ZNF618: variants seen among roughly 807,000 people sequenced by gnomAD.
The protein encoded by ZNF618 is zinc finger protein 618.
ZNF618 carries 34 observed loss-of-function variants against 103.0 expected under a neutral mutation model. That is an observed-to-expected ratio of 0.33 (90% CI 0.25 to 0.44). The LOEUF (loss-of-function observed/expected upper bound fraction) is 0.44, where lower values mean the gene tolerates loss of function less well. Ranked by LOEUF, ZNF618 falls within the 20% of genes least tolerant of loss-of-function variation. The probability of loss-of-function intolerance (pLI) is 1.00; values close to 1 mark genes in which losing one functional copy is unlikely to be tolerated. For synonymous variants in ZNF618, 551 were observed against 542.2 expected, an observed-to-expected ratio of 1.02 and a Z score of -0.23; for missense variants, 1,059 against 1,295.4, an observed-to-expected ratio of 0.82 and a Z score of 2.80.
chr9:113,948,493 G>A (rs777994375), intron 1 of ZNF618, among the ~76,000 whole-genome samples: 6 of 152,238 alleles, frequency 3.9e-5, no homozygotes, highest in Non-Finnish European at 8.8e-5. Flanking sequence ...TTGCATCAGA[G>A]GAAGCCTGTA....
At chr9:113,955,191 C>A (rs1836162350) in intron 1 of ZNF618, among the ~76,000 whole-genome samples, 1 of 149,724 alleles carries the variant, frequency 6.7e-6, no homozygotes, top group Non-Finnish European at 1.5e-5. Context: ...AGGCTATTCC[C>A]AAATCAGACC....
intron 2 of ZNF618, among the ~76,000 whole-genome samples, chr9:113,972,837 C>T (rs573747678): frequency 1.5e-4 from 23 of 152,236 alleles, no homozygotes; most frequent in African/African-American, 2.6e-4. Context: ...GAGGCCGAGG[C>T]GGGCGGATCA....
At chr9:113,881,238 G>A (rs1166124674) in intron 1 of ZNF618, among the ~76,000 whole-genome samples, 3 of 152,084 alleles carry the variant, frequency 2.0e-5, no homozygotes, top group Non-Finnish European at 4.4e-5. Flanking sequence ...AATTTAATCA[G>A]ACAAAAACAC....
intron 2 of ZNF618, among the ~76,000 whole-genome samples, chr9:113,984,177 C>T (rs1366191839): frequency 2.6e-5 from 4 of 152,120 alleles, no homozygotes; most frequent in Non-Finnish European, 4.4e-5. Flanking sequence ...ACTGGAATTT[C>T]GGGAAGGGGA....
Position 114,040,577 on chromosome 9 carries a change from G to A in ZNF618, c.1246+4200G>A, listed in dbSNP as rs373899721. Among the ~76,000 whole-genome samples, 32 of 152,036 alleles carry A rather than the reference G, an allele frequency of 2.1e-4. 1 individual carries two copies. The East Asian group carries it at 2.3e-3, about 11-fold the overall frequency. ...TTCCCACCTATGAGTGAGAACATGC[G>A]GTGTTTGGTTTTTTGTCTTTGTGAT... On this transcript the variant is annotated intron_variant, in intron 13 of 14. Transcript: ENST00000374126.
At chr9:113,951,440 T>TGTGTATATATGTAC (rs1835636994) in intron 1 of ZNF618, among the ~76,000 whole-genome samples, 1 of 29,464 alleles carries the variant, frequency 3.4e-5, no homozygotes, top group African/African-American at 9.0e-5. Context: ...TGTATATATA[T>TGTGTATATATGTAC]ACATATATGT....
chr9:113,988,528 G>A lies in ZNF618; in HGVS notation c.285G>A (p.Val95=). The A allele has an allele frequency of 6.2e-7, 1 of 1,612,364 alleles. No individual in the cohort carries two copies. The highest frequency in any genetic ancestry group is 8.5e-7 in the Non-Finnish European group (1 of 1,179,744). ...KAVSKDGTSD[V]PAEICVVIGG... is the part of the protein sequence containing the mutation. ...TCAGCAAGGATGGGACCAGCGACGT[G>A]CCTGCCGAGATCTGCGTGGTGATCG... Residue 95 remains valine (V), a synonymous_variant, in exon 3 of 15, where the codon GTG becomes GTA. Coordinates refer to ENST00000374126, the MANE Select transcript of ZNF618 (RefSeq NM_001318042.2).
intron 1 of ZNF618, among the ~76,000 whole-genome samples, chr9:113,939,463 A>G (rs1834351133): frequency 6.6e-6 from 1 of 152,122 alleles, no homozygotes; most frequent in South Asian, 2.1e-4. Flanking sequence ...TCTCTTTTAA[A>G]TTATCTTTCC....
At chr9:113,960,058 G>C (rs1234018661) in intron 1 of ZNF618, among the ~76,000 whole-genome samples, 1 of 152,218 alleles carries the variant, frequency 6.6e-6, no homozygotes, top group African/African-American at 2.4e-5. Flanking sequence ...CTCAACAGCT[G>C]CTGCAGTTTA....
chr9:113,988,467 T>C lies in ZNF618; in HGVS notation c.224T>C (p.Ile75Thr). The change falls in exon 3 of 15, where the codon ATC becomes ACC. Residue 75 changes from isoleucine (I) to threonine (T), a missense_variant. Transcript: ENST00000374126. ...CCCGATGACTACATCCAGGAGGTGA[T>C]CTGGCAGGGCGAGGCCAAGGAGGAG... is the stretch of plus-strand genomic sequence containing the variant. ...ELPDDYIQEV[I>T]WQGEAKEEKK... is the part of the protein sequence containing the mutation. 1 of 1,613,556 alleles carries C rather than the reference T, an allele frequency of 6.2e-7. No individual in the cohort carries two copies. The highest frequency in any genetic ancestry group is 8.5e-7 in the Non-Finnish European group (1 of 1,179,878).
At chr9:114,022,323 T>G (rs1401853167) in intron 10 of ZNF618, among the ~76,000 whole-genome samples, 1 of 151,994 alleles carries the variant, frequency 6.6e-6, no homozygotes, top group Non-Finnish European at 1.5e-5. Context: ...TTCTGAAGAG[T>G]TTATATAGAA....
chr9:114,034,430 A>ACTG (rs757107928), intron 12 of ZNF618, among the ~76,000 whole-genome samples: 9 of 151,966 alleles, frequency 5.9e-5, no homozygotes, highest in African/African-American at 1.7e-4. Context: ...TAGCGCAAGC[A>ACTG]CTGCTGCTGC....
chr9:114,007,237 C>A, intron 6 of ZNF618, 113 bp from the exon 7 acceptor site: 1 of 835,518 alleles, frequency 1.2e-6, no homozygotes. Context: ...CCTCCCTCCG[C>A]TAGCCAGACT....
chr9:114,048,878 C>G lies in ZNF618; in HGVS notation c.1576C>G (p.Leu526Val). 1 of 1,608,344 alleles carries G rather than the reference C, an allele frequency of 6.2e-7. No homozygotes were observed. Among genetic ancestry groups the G allele is most frequent in the Non-Finnish European group, 8.5e-7 (1 of 1,177,214 alleles). Residue 526 changes from leucine (L) to valine (V), a missense_variant, in exon 15 of 15, where the codon CTG (leucine) becomes GTG (valine). Leu to Val is a conservative substitution (Grantham distance 32). This residue lies in a region of ZNF618 where 272 missense variants were observed against 380.1 expected (regional missense o/e 0.72). Coordinates refer to ENST00000374126, the MANE Select transcript of ZNF618 (RefSeq NM_001318042.2). Reference sequence around the variant, plus strand: ...CTTCAACACGCTGGCGCTGAAGCACCTGCCACGCATGTACAACCAGGTGAA... The same window carrying G: ...CTTCAACACGCTGGCGCTGAAGCACGTGCCACGCATGTACAACCAGGTGAA... ...GNFNTLALKHLPRMYNQVKVK... is the reference protein window; with the variant it reads ...GNFNTLALKHVPRMYNQVKVK...
rs142573070 is a variant in ZNF618 at position 113,930,927 on chromosome 9, A to G, written c.34-38190A>G. Among the ~76,000 whole-genome samples, 43 of 152,336 alleles carry G rather than the reference A, an allele frequency of 2.8e-4. 1 individual carries two copies. In the East Asian group the frequency reaches 7.9e-3, roughly 28 times the overall value. ...GGGGCAGCAAAGGAAGTAAAGGCCA[A>G]TAAGCACCTGACAATATTTTTACAT... On this transcript the variant is annotated intron_variant, in intron 1 of 14. Transcript: ENST00000374126.
intron 2 of ZNF618, among the ~76,000 whole-genome samples, chr9:113,976,240 A>G (rs1838456943): frequency 6.6e-6 from 1 of 152,180 alleles, no homozygotes; most frequent in Non-Finnish European, 1.5e-5. Flanking sequence ...GTCTCTAGGG[A>G]ACTCAGTCCT....
chr9:113,961,706 A>C (rs1836855642), intron 1 of ZNF618, among the ~76,000 whole-genome samples: 1 of 152,236 alleles, frequency 6.6e-6, no homozygotes, highest in Admixed American at 6.5e-5. Flanking sequence ...TAGAGAATTT[A>C]TCATATATTT....
intron 4 of ZNF618, among the ~76,000 whole-genome samples, chr9:113,998,763 C>CCAGGA (rs1406880578): frequency 4.6e-5 from 7 of 152,236 alleles, no homozygotes; most frequent in African/African-American, 1.4e-4. Flanking sequence ...AGTGGCCTCC[C>CCAGGA]CAGGACAGGC....
At chr9:113,916,465 T>A (rs1398622454) in intron 1 of ZNF618, among the ~76,000 whole-genome samples, 1 of 152,132 alleles carries the variant, frequency 6.6e-6, no homozygotes, top group South Asian at 2.1e-4. Flanking sequence ...TCTCTTGCAG[T>A]TAGGAAATGC....
Sources: allele counts gnomAD v4.1 joint callset (sites outside exome capture counted in the v4.1 genomes callset), GRCh38; gene constraint gnomAD v4.1.1; regional missense constraint gnomAD v4.1.1; transcripts MANE v1.5; gene names NCBI Gene and HGNC (gene_info 2026-07-23, HGNC 2026-07-21).